The following SDK1 variants were observed in gnomAD, a reference collection of about 807,000 sequenced individuals.
The protein encoded by SDK1 is sidekick cell adhesion molecule 1.
A neutral mutation model predicts 245.5 loss-of-function variants in SDK1; 157 were observed. That is an observed-to-expected ratio of 0.64 (90% CI 0.56 to 0.73). The LOEUF is 0.73. SDK1 is among the 30% of genes least tolerant of loss of function. SDK1 has a pLI of 0.00. For synonymous variants in SDK1, 1,647 were observed against 1,278.5 expected, an observed-to-expected ratio of 1.29 and a Z score of -6.15; for missense variants, 3,583 against 3,002.3, an observed-to-expected ratio of 1.19 and a Z score of -4.52.
intron 1 of SDK1, among the ~76,000 whole-genome samples, chr7:3,309,671 G>C (rs1779504226): frequency 6.6e-6 from 1 of 151,902 alleles, no homozygotes; most frequent in Non-Finnish European, 1.5e-5. Flanking sequence ...CTTACAGTAA[G>C]CTGTAATGAT....
intron 5 of SDK1, among the ~76,000 whole-genome samples, chr7:3,845,133 G>C (rs563114466): frequency 1.3e-5 from 2 of 152,134 alleles, no homozygotes; most frequent in Non-Finnish European, 2.9e-5. Context: ...TGGGTGGTGA[G>C]GCTGGGCCAC....
At chr7:3,913,938 C>G (rs185450926) in intron 5 of SDK1, among the ~76,000 whole-genome samples, 1 of 152,118 alleles carries the variant, frequency 6.6e-6, no homozygotes, top group African/African-American at 2.4e-5. Flanking sequence ...GTGATACTAG[C>G]GCCAGGGCCC....
intron 4 of SDK1, among the ~76,000 whole-genome samples, chr7:3,763,499 A>G (rs1422809562): frequency 6.6e-6 from 1 of 152,150 alleles, no homozygotes; most frequent in Non-Finnish European, 1.5e-5. Flanking sequence ...AGTCCATCTT[A>G]TTTGATACAT....
At chr7:3,772,529 G>T (rs73306126) in intron 4 of SDK1, among the ~76,000 whole-genome samples, 1,725 of 152,216 alleles carry the variant, frequency 0.011, 23 homozygotes, top group African/African-American at 0.028. Context: ...AAGTTACAAT[G>T]ATACTAGCTT....
At chr7:3,484,075 C>G (rs1365631879) in intron 1 of SDK1, among the ~76,000 whole-genome samples, 2 of 152,168 alleles carry the variant, frequency 1.3e-5, no homozygotes. Context: ...TCCAAATATT[C>G]TCTTGCAGCT....
intron 26 of SDK1, among the ~76,000 whole-genome samples, chr7:4,129,108 G>C (rs112184419): frequency 8.5e-6 from 1 of 117,584 alleles, no homozygotes; most frequent in Non-Finnish European, 1.8e-5. Flanking sequence ...TGCCCTGGAA[G>C]AGAGCAGCTT....
At chr7:4,120,925 C>G (rs547064158) in intron 25 of SDK1, among the ~76,000 whole-genome samples, 147 of 135,656 alleles carry the variant, frequency 1.1e-3, no homozygotes, top group Non-Finnish European at 1.5e-3. Context: ...CAAGAACACT[C>G]TTTTAAAAAA....
intron 1 of SDK1, among the ~76,000 whole-genome samples, chr7:3,589,648 G>A (rs73037682): frequency 0.02 from 2,972 of 152,276 alleles, 56 homozygotes; most frequent in South Asian, 0.057. Flanking sequence ...AATGGAGGCA[G>A]GCAAGAGAGC....
intron 4 of SDK1, among the ~76,000 whole-genome samples, chr7:3,658,412 GTC>G (rs1039686079): frequency 2.0e-5 from 3 of 151,908 alleles, no homozygotes; most frequent in Non-Finnish European, 2.9e-5. Flanking sequence ...AATACAATGA[GTC>G]TGGCTTCTGA....
intron 2 of SDK1, among the ~76,000 whole-genome samples, chr7:3,630,398 T>G (rs1157825455): frequency 1.3e-5 from 2 of 152,224 alleles, no homozygotes; most frequent in African/African-American, 4.8e-5. Context: ...TTAGCAACAT[T>G]ACAAGATAGA....
chr7:3,333,266 T>C (rs1282115066), intron 1 of SDK1, among the ~76,000 whole-genome samples: 1 of 152,130 alleles, frequency 6.6e-6, no homozygotes, highest in Non-Finnish European at 1.5e-5. Context: ...TTTAGAAACT[T>C]TTGGAATGTC....
intron 1 of SDK1, among the ~76,000 whole-genome samples, chr7:3,414,829 G>GT (rs201373772): frequency 1.2e-4 from 18 of 151,876 alleles, no homozygotes; most frequent in East Asian, 7.7e-4. Context: ...TATAATGTGT[G>GT]TTTTTTTTGG....
intron 5 of SDK1, among the ~76,000 whole-genome samples, chr7:3,825,830 G>A (rs371325759): frequency 1.3e-5 from 2 of 152,284 alleles, no homozygotes; most frequent in South Asian, 2.1e-4. Context: ...GGAGAGAGGG[G>A]AACAGGCAGA....
At chr7:3,655,040 C>G (rs1239126531) in intron 4 of SDK1, among the ~76,000 whole-genome samples, 1 of 113,766 alleles carries the variant, frequency 8.8e-6, no homozygotes, top group African/African-American at 3.4e-5. Flanking sequence ...TTAGTTGAAT[C>G]ATAGCTTGCT....
chr7:3,718,834 T>C (rs1315191671), intron 4 of SDK1, among the ~76,000 whole-genome samples: 3 of 152,062 alleles, frequency 2.0e-5, no homozygotes. Flanking sequence ...GGAATAAAAG[T>C]GTTCTTATTT....
In SDK1 at chr7:3,384,054, T is replaced by C. The variant is rs1781552478; in HGVS notation, c.298+82170T>C. ...GCTTGTAAGTTAAATTTTTGTATTT[T>C]ATACAGAGTTAGCTTAGGCCGTGAT... is the stretch of plus-strand genomic sequence containing the variant. On this transcript the variant is annotated intron_variant, in intron 1 of 44. Transcript: ENST00000404826. Among the ~76,000 whole-genome samples, 5 of 152,330 alleles carry C rather than the reference T, an allele frequency of 3.3e-5. No homozygotes were observed. The Middle Eastern group carries it at 0.014, about 415-fold the overall frequency.
intron 5 of SDK1, among the ~76,000 whole-genome samples, chr7:3,824,245 A>G (rs544279747): frequency 1.1e-4 from 17 of 152,144 alleles, no homozygotes; most frequent in Non-Finnish European, 7.3e-5. Context: ...GCAGACTTAG[A>G]TATCTTTTTC....
intron 25 of SDK1, among the ~76,000 whole-genome samples, chr7:4,119,833 AAG>A (rs1230375226): frequency 1.3e-5 from 2 of 149,086 alleles, no homozygotes; most frequent in African/African-American, 2.4e-5. Context: ...GTTTTAAAAA[AAG>A]AGAGAAAGAT....
chr7:3,870,320 A>T (rs964705512), intron 5 of SDK1, among the ~76,000 whole-genome samples: 1 of 152,188 alleles, frequency 6.6e-6, no homozygotes, highest in Non-Finnish European at 1.5e-5. Context: ...GCCCCTTTTA[A>T]GCTGAGGGAA....
Sources: allele counts gnomAD v4.1 joint callset (sites outside exome capture counted in the v4.1 genomes callset), GRCh38; gene constraint gnomAD v4.1.1; transcripts MANE v1.5; gene names NCBI Gene and HGNC (gene_info 2026-07-23, HGNC 2026-07-21).